CSNK1G2: variants seen among roughly 807,000 people sequenced by gnomAD.
CSNK1G2 encodes casein kinase I isoform gamma-2.
Under a neutral mutation model 48.0 loss-of-function variants are expected in CSNK1G2, and 11 were observed. The observed-to-expected ratio is 0.23, with a 90% CI of 0.14 to 0.38. CSNK1G2 has a LOEUF of 0.38. Ranked by LOEUF, CSNK1G2 falls within the 10% of genes least tolerant of loss-of-function variation. CSNK1G2 has a pLI of 1.00. For synonymous variants in CSNK1G2, 337 were observed against 254.1 expected (o/e 1.33, Z -3.10); for missense variants, 446 against 595.5 (o/e 0.75, Z 2.61).
intron 1 of CSNK1G2, among the ~76,000 whole-genome samples, chr19:1,966,216 T>C (rs2145562171): frequency 6.6e-6 from 1 of 152,320 alleles, no homozygotes; most frequent in East Asian, 1.9e-4. Context: ...CCGGAAAGGC[T>C]TTGCCGTTCT....
rs1167496653 is a variant in CSNK1G2, at chr19:1,978,780, C to T, written c.447+30C>T. 6.0e-6 allele frequency: 9 copies of T among 1,498,638 alleles called. No individual in the cohort carries two copies. The highest frequency in any genetic ancestry group is 5.8e-5 in the Admixed American group (3 of 52,108). 92.8% of individuals were successfully genotyped at this position (1,498,638 alleles called of 1,614,324 possible). A position where few individuals can be genotyped will look rare whatever the true frequency, so the allele number is the denominator to read the frequency against. On this transcript the variant is annotated intron_variant, in intron 5 of 11. Transcript: ENST00000255641. The surrounding 1 kb of genome is among the most constrained non-coding windows in gnomAD (Gnocchi z 7.3). ...GCGGCGGGCGGGGCGGGGCGGGGCT[C>T]GGAGGGAAGAGGGTGGCCCTGGAGG...
chr19:1,978,446 C>A lies in CSNK1G2; in HGVS notation c.233C>A (p.Pro78Gln), dbSNP rs548764709. 6.2e-7 allele frequency: 1 copy of A among 1,609,878 alleles called. No individual in the cohort carries two copies. Among genetic ancestry groups the A allele is most frequent in the Non-Finnish European group, 8.5e-7 (1 of 1,178,706 alleles). Residue 78 changes from proline (P) to glutamine (Q), a missense_variant, in exon 4 of 12, where the codon CCG becomes CAG. By Grantham distance (76) the Pro-to-Gln change is moderately conservative. Transcript: ENST00000255641. The surrounding 1 kb of genome is among the most constrained non-coding windows in gnomAD (Gnocchi z 7.3). ...TNEYVAIKLEPIKSRAPQLHL... is the reference protein window; with the variant it reads ...TNEYVAIKLEQIKSRAPQLHL... ...GACTCGCTCTTGTGCCCCCAGGAGC[C>A]GATCAAGTCCCGGGCCCCGCAGCTG...
intron 2 of CSNK1G2, among the ~76,000 whole-genome samples, chr19:1,976,988 G>C (rs962539806): frequency 7.9e-5 from 12 of 152,072 alleles, no homozygotes; most frequent in Non-Finnish European, 1.5e-4. Flanking sequence ...ATCCGCCTGC[G>C]TCAGCCTCCC....
intron 1 of CSNK1G2, among the ~76,000 whole-genome samples, chr19:1,942,147 C>T (rs924406326): frequency 6.6e-6 from 1 of 152,344 alleles, no homozygotes. Context: ...GCCCCCTCCC[C>T]CTTCCGCTGT....
At chr19:1,949,614 T>C (rs1182512904) in intron 1 of CSNK1G2, among the ~76,000 whole-genome samples, 1 of 152,264 alleles carries the variant, frequency 6.6e-6, no homozygotes, top group Non-Finnish European at 1.5e-5. Context: ...TGCGTGATTC[T>C]TCTGTCAGGT....
chr19:1,975,685 G>C (rs77518239), intron 2 of CSNK1G2: 18,299 of 982,592 alleles, frequency 0.019, 355 homozygotes, highest in African/African-American at 0.087. Flanking sequence ...GCTGATTCAG[G>C]GGGCAGTGTC....
intron 1 of CSNK1G2, among the ~76,000 whole-genome samples, chr19:1,967,156 G>A (rs1190701268): frequency 6.6e-6 from 1 of 152,194 alleles, no homozygotes; most frequent in Admixed American, 6.5e-5. Flanking sequence ...CTGTTGCCGT[G>A]CGGAACCCAA....
chr19:1,979,116 G>C, intron 6 of CSNK1G2, 23 bp downstream of exon 6: 3 of 1,580,794 alleles, frequency 1.9e-6, no homozygotes, highest in Admixed American at 1.8e-5. Context: ...CGCGCGGCGG[G>C]GGGCGGGCGC....
intron 1 of CSNK1G2, among the ~76,000 whole-genome samples, chr19:1,948,546 A>AT (rs2014652721): frequency 1.1e-5 from 1 of 93,686 alleles, no homozygotes; most frequent in Non-Finnish European, 2.8e-5. Context: ...AAAACGCAAA[A>AT]AAAAAAAAGA....
chr19:1,960,880 C>T (rs1265901185), intron 1 of CSNK1G2, among the ~76,000 whole-genome samples: 1 of 152,238 alleles, frequency 6.6e-6, no homozygotes, highest in Non-Finnish European at 1.5e-5. Context: ...CAGAGCGAGA[C>T]TCTGTCTCAA....
intron 2 of CSNK1G2, among the ~76,000 whole-genome samples, chr19:1,972,075 C>T (rs565202678): frequency 1.8e-4 from 28 of 152,182 alleles, no homozygotes; most frequent in Middle Eastern, 3.4e-3. Context: ...GGCCTGGTGA[C>T]GCCAGCTTTT....
rs565495200 is a variant in CSNK1G2 at position 1,978,026 on chromosome 19, G to C, written c.188-279G>C. On this transcript the variant is annotated intron_variant, in intron 2 of 11. Transcript: ENST00000255641. This position sits in a 1 kb window ranked among gnomAD's most constrained non-coding sequence, Gnocchi z 7.3. The stretch of plus-strand genomic sequence containing the variant: ...GGCCGTGAGAGACCTCCCCAGTGCC[G>C]CTTCTGTCCTGGGCTAGGGAGGTGG... Among the ~76,000 whole-genome samples, 1 of 151,642 alleles carries C rather than the reference G, an allele frequency of 6.6e-6. No homozygotes were observed. The highest frequency in any genetic ancestry group is 1.5e-5 in the Non-Finnish European group (1 of 67,888).
chr19:1,980,051 G>T (rs1428554840), intron 11 of CSNK1G2, 34 bp downstream of exon 11: 2 of 1,585,202 alleles, frequency 1.3e-6, no homozygotes, highest in Non-Finnish European at 8.6e-7. Context: ...CGGGGAGGTG[G>T]GGGTGCCCTG....
intron 1 of CSNK1G2, among the ~76,000 whole-genome samples, chr19:1,956,124 G>A (rs1216535138): frequency 1.3e-5 from 2 of 152,170 alleles, no homozygotes; most frequent in Non-Finnish European, 2.9e-5. Context: ...GAGGCCCTGC[G>A]GGAGCCAGGA....
chr19:1,957,475 G>A lies in CSNK1G2; in HGVS notation c.-265-12033G>A, dbSNP rs2145530687. ...GAGCGGCTTGGGTGGCCGGGCCTGTGGGAGACCTTGGGTTTGCTGTTAGGA... is the reference window on the plus strand; with the variant it reads ...GAGCGGCTTGGGTGGCCGGGCCTGTAGGAGACCTTGGGTTTGCTGTTAGGA... On this transcript the variant is annotated intron_variant, in intron 1 of 11. Transcript: ENST00000255641. The surrounding 1 kb of genome is among the most constrained non-coding windows in gnomAD (Gnocchi z 5.4). Among the ~76,000 whole-genome samples the A allele has an allele frequency of 6.6e-6, 1 of 152,344 alleles. No homozygotes were observed. The highest frequency in any genetic ancestry group is 1.5e-5 in the Non-Finnish European group (1 of 68,026).
chr19:1,957,646 C>A lies in CSNK1G2; in HGVS notation c.-265-11862C>A, dbSNP rs1343675410. Among the ~76,000 whole-genome samples, 2 of 152,216 alleles carry A rather than the reference C, an allele frequency of 1.3e-5. No homozygotes were observed. Among genetic ancestry groups the A allele is most frequent in the Non-Finnish European group, 2.9e-5 (2 of 68,036 alleles). ...GCTAGGCCACTTTCACAGCTCACCA[C>A]ACAGGCAGAGACTGGAGGGTGCGCA... On this transcript the variant is annotated intron_variant, in intron 1 of 11. Coordinates refer to ENST00000255641, the MANE Select transcript of CSNK1G2 (RefSeq NM_001319.7). The surrounding 1 kb of genome is among the most constrained non-coding windows in gnomAD (Gnocchi z 5.4).
intron 1 of CSNK1G2, among the ~76,000 whole-genome samples, chr19:1,945,999 C>T (rs373612220): frequency 6.6e-6 from 1 of 152,128 alleles, no homozygotes; most frequent in Non-Finnish European, 1.5e-5. Flanking sequence ...CTGGTCTGGC[C>T]GGCCTGACCC....
intron 1 of CSNK1G2, among the ~76,000 whole-genome samples, chr19:1,942,837 CTTTGT>C (rs2014418508): frequency 6.6e-6 from 1 of 152,168 alleles, no homozygotes; most frequent in Non-Finnish European, 1.5e-5. Flanking sequence ...GTCACTGGTA[CTTTGT>C]TTTGTTTTCC....
At chr19:1,951,969 C>T (rs1010329643) in intron 1 of CSNK1G2, among the ~76,000 whole-genome samples, 19 of 152,180 alleles carry the variant, frequency 1.2e-4, no homozygotes, top group African/African-American at 2.7e-4. Context: ...CGAGAGCCAC[C>T]GGGCCCGGCC....
Sources: allele counts gnomAD v4.1 joint callset (sites outside exome capture counted in the v4.1 genomes callset), GRCh38; gene constraint gnomAD v4.1.1; non-coding constraint Gnocchi (gnomAD v3.1); transcripts MANE v1.5; gene names NCBI Gene and HGNC (gene_info 2026-07-23, HGNC 2026-07-21).